The following APBB2 variants were observed in gnomAD, a reference collection of about 807,000 sequenced individuals.
APBB2 encodes amyloid beta precursor protein binding family B member 2.
APBB2 carries 38 observed loss-of-function variants against 82.5 expected under a neutral mutation model. That is an observed-to-expected ratio of 0.46 (90% CI 0.36 to 0.60). The LOEUF is 0.60. APBB2 is among the 20% of genes least tolerant of loss of function. The pLI is 0.00. For synonymous variants in APBB2, 341 were observed against 368.2 expected (o/e 0.93, Z 0.85); for missense variants, 772 against 972.3 (o/e 0.79, Z 2.74).
At chr4:40,856,848 C>T in intron 12 of APBB2, 1 of 735,924 alleles carries the variant, frequency 1.4e-6, no homozygotes, top group East Asian at 1.3e-4. Flanking sequence ...GCCCTTCCAG[C>T]CGTCCAGGAC....
At chr4:40,928,917 C>T (rs528827425) in intron 10 of APBB2, among the ~76,000 whole-genome samples, 304 of 149,632 alleles carry the variant, frequency 2.0e-3, no homozygotes, top group African/African-American at 7.2e-3. Flanking sequence ...AATGAACGAA[C>T]GAATGAATAC....
At chr4:40,974,329 G>T (rs1192995158) in intron 6 of APBB2, among the ~76,000 whole-genome samples, 1 of 152,138 alleles carries the variant, frequency 6.6e-6, no homozygotes, top group African/African-American at 2.4e-5. Context: ...TATTAATATA[G>T]TGAATGTACT....
At chr4:41,159,128 C>G (rs1764205257) in intron 1 of APBB2, among the ~76,000 whole-genome samples, 1 of 152,234 alleles carries the variant, frequency 6.6e-6, no homozygotes, top group African/African-American at 2.4e-5. Flanking sequence ...CTTGCCACCT[C>G]CTCCAAGAGA....
At chr4:40,942,225 A>G (rs1787183989) in intron 7 of APBB2, among the ~76,000 whole-genome samples, 1 of 152,220 alleles carries the variant, frequency 6.6e-6, no homozygotes, top group African/African-American at 2.4e-5. Flanking sequence ...GGTCAGCCTG[A>G]AGACTTTTGC....
intron 10 of APBB2, among the ~76,000 whole-genome samples, chr4:40,921,814 G>C (rs529851091): frequency 1.3e-5 from 2 of 152,240 alleles, no homozygotes; most frequent in South Asian, 4.1e-4. Flanking sequence ...TCATTTACAC[G>C]GGTCCATTTT....
At chr4:41,026,576 A>C (rs1430976498) in intron 5 of APBB2, among the ~76,000 whole-genome samples, 1 of 152,248 alleles carries the variant, frequency 6.6e-6, no homozygotes, top group Non-Finnish European at 1.5e-5. Context: ...TCATATAAAC[A>C]GAATCATATA....
intron 2 of APBB2, among the ~76,000 whole-genome samples, chr4:41,114,275 T>A (rs112407343): frequency 0.12 from 18,666 of 152,118 alleles, 1,316 homozygotes; most frequent in Non-Finnish European, 0.16. Flanking sequence ...ATTCAACACC[T>A]CTTCATGCTA....
intron 17 of APBB2, 54 bp downstream of exon 17, chr4:40,821,817 A>C: frequency 6.3e-7 from 1 of 1,594,454 alleles, no homozygotes. Context: ...TGTATGGCAT[A>C]TTAGAGATGA....
At chr4:41,140,691 G>A (rs369377639) in intron 2 of APBB2, among the ~76,000 whole-genome samples, 5 of 152,294 alleles carry the variant, frequency 3.3e-5, no homozygotes, top group Admixed American at 2.0e-4. Flanking sequence ...ATTTACAGCC[G>A]GTCTCCATCG....
At chr4:40,922,609 TA>T (rs1781535051) in intron 10 of APBB2, among the ~76,000 whole-genome samples, 1 of 152,014 alleles carries the variant, frequency 6.6e-6, no homozygotes, top group South Asian at 2.1e-4. Flanking sequence ...GCATCTGAAT[TA>T]TTTATTTACT....
chr4:40,980,533 GCAGAGCCAA>G (rs1171692302), intron 6 of APBB2, among the ~76,000 whole-genome samples: 2 of 67,638 alleles, frequency 3.0e-5, no homozygotes, highest in South Asian at 5.0e-4. Context: ...AGAGCCAACT[GCAGAGCCAA>G]TGAGTGTCCA....
chr4:40,894,419 T>C (rs867551562), intron 10 of APBB2, among the ~76,000 whole-genome samples: 7 of 151,762 alleles, frequency 4.6e-5, no homozygotes, highest in African/African-American at 1.7e-4. Flanking sequence ...GTGAAATCTG[T>C]TATTTGGTAA....
At chr4:40,985,931 T>C (rs1333708804) in intron 6 of APBB2, among the ~76,000 whole-genome samples, 1 of 152,160 alleles carries the variant, frequency 6.6e-6, no homozygotes, top group East Asian at 1.9e-4. Flanking sequence ...TTATCTTAAG[T>C]ACAGACTTTT....
rs1553875174 is a variant in APBB2 at position 40,946,254 on chromosome 4, A to AAAAAAAAAAAAAAAAAAAAAAAAAAC, written c.836-1182_836-1181insGTTTTTTTTTTTTTTTTTTTTTTTTT. 2.9e-4 allele frequency among the ~76,000 whole-genome samples: 33 copies of AAAAAAAAAAAAAAAAAAAAAAAAAAC among 114,606 alleles called. 5 individuals carry two copies. The highest frequency in any genetic ancestry group is 3.5e-4 in the Non-Finnish European group (19 of 54,050). The allele number at this position is 114,606 out of a possible 152,430, so 75.2% of individuals were successfully genotyped here. A position where few individuals can be genotyped will look rare whatever the true frequency, so the allele number is the denominator to read the frequency against. ...CTCCAAAAAAAAAAAAAAAAAAAAA[A>AAAAAAAAAAAAAAAAAAAAAAAAAAC]CATTCCCAAGGAAAGCAGATTGGAA... On this transcript the variant is annotated intron_variant, in intron 6 of 17. Coordinates refer to ENST00000508593, the MANE Select transcript of APBB2 (RefSeq NM_004307.2).
chr4:41,157,777 G>T (rs541289261), intron 1 of APBB2, among the ~76,000 whole-genome samples: 2 of 152,334 alleles, frequency 1.3e-5, no homozygotes, highest in East Asian at 1.9e-4. Flanking sequence ...GATCACTTGA[G>T]GTCAGGAGTT....
rs532885336 is a variant in APBB2 at position 40,818,864 on chromosome 4, T to G, written c.2113-2605A>C. Among the ~76,000 whole-genome samples, 4 of 152,330 alleles carry G rather than the reference T, an allele frequency of 2.6e-5. No homozygotes were observed. The East Asian group carries it at 7.7e-4, about 29-fold the overall frequency. ...TTTTCTACGCCCCACCTTTGCAATC[T>G]GCTCTCCCACCTCATCCTTTTAACA... On this transcript the variant is annotated intron_variant, in intron 17 of 17. Transcript: ENST00000508593.
chr4:40,842,357 A>T, intron 12 of APBB2: 1 of 455,522 alleles, frequency 2.2e-6, no homozygotes, highest in South Asian at 1.6e-5. Context: ...AGAAGTGAAA[A>T]TCGGCCGGTT....
At chr4:41,160,174 A>C (rs1179543181) in intron 1 of APBB2, among the ~76,000 whole-genome samples, 1 of 152,100 alleles carries the variant, frequency 6.6e-6, no homozygotes, top group Non-Finnish European at 1.5e-5. Context: ...AGCTGGCTGT[A>C]AGGAACGGGT....
chr4:41,112,664 T>C (rs1267974289), intron 2 of APBB2, among the ~76,000 whole-genome samples: 1 of 152,114 alleles, frequency 6.6e-6, no homozygotes, highest in Admixed American at 6.6e-5. Context: ...AAGCCAAAAA[T>C]CACTTCTGTG....
Sources: allele counts gnomAD v4.1 joint callset (sites outside exome capture counted in the v4.1 genomes callset), GRCh38; gene constraint gnomAD v4.1.1; transcripts MANE v1.5; gene names NCBI Gene and HGNC (gene_info 2026-07-23, HGNC 2026-07-21).